Variants in GIGYF2 observed in about 807,000 individuals in gnomAD.
GIGYF2 encodes the protein GRB10-interacting GYF protein 2.
In GIGYF2, 25 loss-of-function variants were observed where a neutral mutation model predicts 208.1. That is an observed-to-expected ratio of 0.12 (90% confidence interval 0.09 to 0.17). The LOEUF is 0.17. Ranked by LOEUF, GIGYF2 falls within the 10% of genes least tolerant of loss-of-function variation. The pLI is 1.00. For missense variants in GIGYF2, 1,302 were observed against 1,579.4 expected (o/e 0.82, Z 2.98); for synonymous variants, 534 against 543.8 (o/e 0.98, Z 0.25).
chr2:232,782,388 A>G (rs2106354599), intron 8 of GIGYF2, among the ~76,000 whole-genome samples: 1 of 152,296 alleles, frequency 6.6e-6, no homozygotes, highest in African/African-American at 2.4e-5. Flanking sequence ...TTGGGAAAAT[A>G]TTTAGTAGTA....
intron 2 of GIGYF2, among the ~76,000 whole-genome samples, chr2:232,719,654 G>T (rs149493461): frequency 6.6e-6 from 1 of 152,072 alleles, no homozygotes; most frequent in African/African-American, 2.4e-5. Flanking sequence ...AATATAGGGA[G>T]AAAAAGAAAA....
At chr2:232,823,794 AC>A (rs1354827962) in intron 21 of GIGYF2, among the ~76,000 whole-genome samples, 1 of 152,192 alleles carries the variant, frequency 6.6e-6, no homozygotes, top group African/African-American at 2.4e-5. Context: ...ATAGAGGCAT[AC>A]CTCATTTTAT....
Position 232,756,351 on chromosome 2 carries a change from A to T in GIGYF2, c.379+17A>T. 3.1e-6 allele frequency: 4 copies of T among 1,283,972 alleles called. No individual in the cohort carries two copies. Among genetic ancestry groups the T allele is most frequent in the Non-Finnish European group, 4.4e-6 (4 of 910,660 alleles). The allele number at this position is 1,283,972 out of a possible 1,614,324, so 79.5% of individuals were successfully genotyped here. Reference sequence around the variant, plus strand: ...GAGGGCGAGGTGAGCTTTCATATGAAAAAAGTAATAATGGAGGAGGAGGAG... The same window carrying T: ...GAGGGCGAGGTGAGCTTTCATATGATAAAAGTAATAATGGAGGAGGAGGAG... On this transcript the variant is annotated intron_variant, in intron 6 of 28. Transcript: ENST00000373563.
rs1471095083 is a variant in GIGYF2 at position 232,856,992 on chromosome 2, TTTTC to T, written c.*135_*138del. 1.3e-6 allele frequency: 1 copy of T among 764,464 alleles called. No individual in the cohort carries two copies. Among genetic ancestry groups the T allele is most frequent in the African/African-American group, 1.7e-5 (1 of 58,444 alleles). 47.4% of individuals were successfully genotyped at this position (764,464 alleles called of 1,614,324 possible). A position where few individuals can be genotyped will look rare whatever the true frequency, so the allele number is the denominator to read the frequency against. ...ATCACAGAACCGATCATCTCAGGCT[TTTTC>T]TTCTGGCCCTTTGTGTCCAAGATTC... On this transcript the variant is annotated 3_prime_UTR_variant, in exon 29 of 29. Coordinates refer to ENST00000373563, the MANE Select transcript of GIGYF2 (RefSeq NM_001103146.3).
chr2:232,815,472 A>G lies in GIGYF2; in HGVS notation c.2108-165A>G, dbSNP rs543845963. 5.9e-4 allele frequency among the ~76,000 whole-genome samples: 90 copies of G among 152,370 alleles called. 1 individual carries two copies. Among genetic ancestry groups the G allele is most frequent in the African/African-American group, 2.1e-3 (87 of 41,592 alleles). ...TCTAGATGTGTTGAAGGATATTCACAGAAACTAGAGTCCATTGGCAGTTCA... is the reference window on the plus strand; with the variant it reads ...TCTAGATGTGTTGAAGGATATTCACGGAAACTAGAGTCCATTGGCAGTTCA... On this transcript the variant is annotated intron_variant, in intron 18 of 28. Coordinates refer to ENST00000373563, the MANE Select transcript of GIGYF2 (RefSeq NM_001103146.3).
At chr2:232,707,998 G>C (rs1255655123) in intron 2 of GIGYF2, among the ~76,000 whole-genome samples, 1 of 151,616 alleles carries the variant, frequency 6.6e-6, no homozygotes. Flanking sequence ...GTCTTGCTCT[G>C]TCCCTCAGGC....
At chr2:232,843,752 G>T (rs1257712707) in intron 23 of GIGYF2, among the ~76,000 whole-genome samples, 1 of 152,098 alleles carries the variant, frequency 6.6e-6, no homozygotes, top group Non-Finnish European at 1.5e-5. Context: ...GCTTGAACCT[G>T]GGAGGCGGAG....
At chr2:232,727,272 A>G (rs1484097173) in intron 2 of GIGYF2, among the ~76,000 whole-genome samples, 1 of 152,160 alleles carries the variant, frequency 6.6e-6, no homozygotes, top group African/African-American at 2.4e-5. Context: ...GGCCCATCAT[A>G]CAGCTTTTAA....
At chr2:232,739,130 G>A (rs1365190732) in intron 3 of GIGYF2, among the ~76,000 whole-genome samples, 17 of 148,720 alleles carry the variant, frequency 1.1e-4, no homozygotes, top group Admixed American at 1.1e-3. Flanking sequence ...AGGCCGAGGT[G>A]GGCAGATCAC....
intron 8 of GIGYF2, among the ~76,000 whole-genome samples, chr2:232,763,618 A>T (rs1559411933): frequency 6.6e-6 from 1 of 152,086 alleles, no homozygotes; most frequent in Non-Finnish European, 1.5e-5. Context: ...TGAGGTCAGG[A>T]GTTGGAGACC....
intron 2 of GIGYF2, among the ~76,000 whole-genome samples, chr2:232,715,580 G>GA (rs377446361): frequency 0.025 from 3,567 of 142,408 alleles, 59 homozygotes; most frequent in East Asian, 0.042. Context: ...GGCTTTCTGG[G>GA]AAAAAAAAAA....
At chr2:232,758,815 TGAG>T (rs1698639626) in intron 6 of GIGYF2, among the ~76,000 whole-genome samples, 1 of 152,200 alleles carries the variant, frequency 6.6e-6, no homozygotes, top group Non-Finnish European at 1.5e-5. Context: ...CTCTAAAAGA[TGAG>T]GAGACTTTTG....
intron 21 of GIGYF2, among the ~76,000 whole-genome samples, chr2:232,830,694 C>T (rs984217497): frequency 1.3e-5 from 2 of 152,098 alleles, no homozygotes; most frequent in East Asian, 1.9e-4. Flanking sequence ...TTCAGAATAT[C>T]GTATTAGCTG....
intron 27 of GIGYF2, among the ~76,000 whole-genome samples, 163 bp from the exon 28 acceptor site, chr2:232,850,099 A>G (rs1018169885): frequency 1.3e-5 from 2 of 152,242 alleles, no homozygotes; most frequent in African/African-American, 4.8e-5. Context: ...ATGGTGGCTC[A>G]GTGGCCGCTC....
intron 2 of GIGYF2, among the ~76,000 whole-genome samples, chr2:232,707,469 T>C (rs1458800326): frequency 1.3e-5 from 2 of 152,192 alleles, no homozygotes; most frequent in East Asian, 1.9e-4. Context: ...CGGGCTCTCA[T>C]GATCAGTTTC....
intron 20 of GIGYF2, among the ~76,000 whole-genome samples, chr2:232,817,643 G>T (rs925198213): frequency 6.6e-6 from 1 of 152,124 alleles, no homozygotes; most frequent in African/African-American, 2.4e-5. Context: ...TACAGTATTT[G>T]TCTTTTTGTG....
At chr2:232,735,786 A>G in intron 3 of GIGYF2, 1 of 985,342 alleles carries the variant, frequency 1.0e-6, no homozygotes, top group South Asian at 4.7e-5. Flanking sequence ...CCGAATATGG[A>G]ATTCTCATGG....
At chr2:232,823,272 C>T (rs999761163) in intron 21 of GIGYF2, among the ~76,000 whole-genome samples, 17 of 151,716 alleles carry the variant, frequency 1.1e-4, no homozygotes, top group East Asian at 1.9e-4. Context: ...ATATTTGCAT[C>T]TAATTTGGTA....
chr2:232,736,025 A>G (rs1697718600), intron 3 of GIGYF2: 1 of 979,314 alleles, frequency 1.0e-6, no homozygotes. Context: ...TGGTTCAATA[A>G]ATGATGCAGA....
Sources: allele counts gnomAD v4.1 joint callset (sites outside exome capture counted in the v4.1 genomes callset), GRCh38; gene constraint gnomAD v4.1.1; transcripts MANE v1.5; gene names NCBI Gene and HGNC (gene_info 2026-07-23, HGNC 2026-07-21).